FGGY: variants seen among roughly 807,000 people sequenced by gnomAD.
The protein encoded by FGGY is FGGY carbohydrate kinase domain containing.
Under a neutral mutation model 71.3 loss-of-function variants are expected in FGGY, and 72 were observed. The ratio of observed to expected loss-of-function variants is 1.01; its 90% confidence interval spans 0.84 to 1.23. FGGY has a LOEUF of 1.23. Ranked by LOEUF, FGGY falls within the 50% of genes most tolerant of loss-of-function variation. FGGY has a pLI of 0.00. For synonymous variants in FGGY, 251 were observed against 250.3 expected (o/e 1.00, Z -0.02); for missense variants, 668 against 682.3 (o/e 0.98, Z 0.23).
rs184100722 is a variant in FGGY at position 59,588,128 on chromosome 1, C to T, written c.904-19675C>T. 2.6e-4 allele frequency among the ~76,000 whole-genome samples: 40 copies of T among 152,140 alleles called. No individual in the cohort carries two copies. In the East Asian group the frequency reaches 6.0e-3, roughly 23 times the overall value. Reference sequence around the variant, plus strand: ...GCTGATGGAGCTGAAAGCCAAGGCTCGAGAACTACGTGAAGAATGCAGAAG... The same window carrying T: ...GCTGATGGAGCTGAAAGCCAAGGCTTGAGAACTACGTGAAGAATGCAGAAG... On this transcript the variant is annotated intron_variant, in intron 8 of 15. Transcript: ENST00000303721.
chr1:59,469,551 T>G (rs892048743), intron 6 of FGGY, among the ~76,000 whole-genome samples: 5 of 152,210 alleles, frequency 3.3e-5, no homozygotes, highest in African/African-American at 1.2e-4. Flanking sequence ...GCAATGAAAT[T>G]TTAACATGAC....
At position 59,655,606 on chromosome 1, in the gene FGGY, C is replaced by A. The variant is rs191295913; in HGVS notation, c.1222-4613C>A. ...CATGTCCCTGCAAAGGACATGATCT[C>A]ATTCTTTTTTTATGGCTGTGTAGTA... On this transcript the variant is annotated intron_variant, in intron 11 of 15. Coordinates refer to ENST00000303721, the MANE Select transcript of FGGY (RefSeq NM_018291.5). Among the ~76,000 whole-genome samples the A allele has an allele frequency of 1.2e-4, 19 of 152,284 alleles. No individual in the cohort carries two copies. In the East Asian group the frequency reaches 3.3e-3, roughly 26 times the overall value.
chr1:59,638,811 A>G (rs2096988931), intron 11 of FGGY, among the ~76,000 whole-genome samples: 1 of 152,228 alleles, frequency 6.6e-6, no homozygotes, highest in Non-Finnish European at 1.5e-5. Flanking sequence ...CTACACTAAT[A>G]TAGTTAGGAT....
rs144469375 is a variant in FGGY, at chr1:59,462,585, T to C, written c.670+5509T>C. ...CTGACAAGGGCTAATATCCAGAATC[T>C]ACAGTGAACTCAAGCAAATTTACAA... On this transcript the variant is annotated intron_variant, in intron 6 of 15. Coordinates refer to ENST00000303721, the MANE Select transcript of FGGY (RefSeq NM_018291.5). 3.7e-3 allele frequency among the ~76,000 whole-genome samples: 560 copies of C among 152,258 alleles called. 3 individuals are homozygous for C. Among genetic ancestry groups the C allele is most frequent in the African/African-American group, 0.012 (499 of 41,528 alleles).
intron 6 of FGGY, among the ~76,000 whole-genome samples, chr1:59,499,827 A>G (rs1390217589): frequency 1.3e-5 from 2 of 152,202 alleles, no homozygotes; most frequent in Non-Finnish European, 2.9e-5. Flanking sequence ...AGCTGCTATT[A>G]AAGTACAAGT....
chr1:59,687,048 G>A (rs2097549219), intron 14 of FGGY, among the ~76,000 whole-genome samples: 1 of 152,154 alleles, frequency 6.6e-6, no homozygotes. Context: ...AAGGTGGCTG[G>A]GCTGGTCCTT....
At chr1:59,341,789 G>A (rs899913607) in intron 3 of FGGY, among the ~76,000 whole-genome samples, 4 of 152,194 alleles carry the variant, frequency 2.6e-5, no homozygotes, top group Non-Finnish European at 5.9e-5. Context: ...AGACCTGGCC[G>A]TTTTGGGAGG....
intron 4 of FGGY, among the ~76,000 whole-genome samples, chr1:59,371,805 A>G (rs1384651718): frequency 6.6e-6 from 1 of 152,198 alleles, no homozygotes; most frequent in Non-Finnish European, 1.5e-5. Context: ...CTCCTGAATG[A>G]CTACTGGGTA....
chr1:59,719,036 T>G (rs1381250367), intron 14 of FGGY, among the ~76,000 whole-genome samples: 1 of 152,142 alleles, frequency 6.6e-6, no homozygotes, highest in East Asian at 1.9e-4. Context: ...ACACCCAGGA[T>G]CCACCCTGCC....
At chr1:59,733,073 A>G (rs953559800) in intron 14 of FGGY, among the ~76,000 whole-genome samples, 1 of 151,678 alleles carries the variant, frequency 6.6e-6, no homozygotes, top group Admixed American at 6.6e-5. Context: ...AGGCCTCTCC[A>G]TCTCCCTTCC....
intron 11 of FGGY, among the ~76,000 whole-genome samples, chr1:59,653,109 T>G (rs913782421): frequency 6.6e-6 from 1 of 152,136 alleles, no homozygotes; most frequent in Non-Finnish European, 1.5e-5. Flanking sequence ...AGTCTGCGGG[T>G]TCTCAGATCT....
At chr1:59,617,541 A>G (rs559763653) in intron 9 of FGGY, among the ~76,000 whole-genome samples, 1 of 152,208 alleles carries the variant, frequency 6.6e-6, no homozygotes, top group East Asian at 1.9e-4. Flanking sequence ...TTCATCACAC[A>G]TCAAGGCCTG....
At chr1:59,385,435 ACT>A (rs1283681493) in intron 5 of FGGY, among the ~76,000 whole-genome samples, 3 of 152,084 alleles carry the variant, frequency 2.0e-5, no homozygotes, top group Non-Finnish European at 2.9e-5. Context: ...GCAAATGTTA[ACT>A]CTGTTAGTCC....
intron 6 of FGGY, among the ~76,000 whole-genome samples, chr1:59,473,894 T>C (rs2093126338): frequency 6.6e-6 from 1 of 152,206 alleles, no homozygotes; most frequent in Non-Finnish European, 1.5e-5. Flanking sequence ...TCTTTTCTTT[T>C]CTAAAGTCAC....
intron 11 of FGGY, among the ~76,000 whole-genome samples, chr1:59,642,642 AAAG>A (rs1477384922): frequency 1.3e-5 from 2 of 151,614 alleles, no homozygotes; most frequent in Admixed American, 6.6e-5. Flanking sequence ...AAAAAAAAAA[AAAG>A]AGCAAATCAT....
chr1:59,633,238 C>T (rs1384549557), intron 10 of FGGY, among the ~76,000 whole-genome samples: 1 of 152,124 alleles, frequency 6.6e-6, no homozygotes, highest in African/African-American at 2.4e-5. Flanking sequence ...TCTCGATCTC[C>T]TGACCTCGTG....
At chr1:59,339,210 A>G (rs1272599103) in intron 2 of FGGY, among the ~76,000 whole-genome samples, 1 of 152,194 alleles carries the variant, frequency 6.6e-6, no homozygotes, top group Non-Finnish European at 1.5e-5. Flanking sequence ...TATGTTATAT[A>G]CAAATATTCC....
chr1:59,357,551 C>T (rs1232254118), intron 4 of FGGY, among the ~76,000 whole-genome samples: 1 of 152,072 alleles, frequency 6.6e-6, no homozygotes, highest in Non-Finnish European at 1.5e-5. Flanking sequence ...CAAATGAAGT[C>T]CCTTGGATCT....
chr1:59,605,110 A>T (rs1005067865), intron 8 of FGGY, among the ~76,000 whole-genome samples: 1 of 152,104 alleles, frequency 6.6e-6, no homozygotes, highest in African/African-American at 2.4e-5. Context: ...GCATGTTTTA[A>T]ATCTTAATTC....
Sources: allele counts gnomAD v4.1 joint callset (sites outside exome capture counted in the v4.1 genomes callset), GRCh38; gene constraint gnomAD v4.1.1; transcripts MANE v1.5; gene names NCBI Gene and HGNC (gene_info 2026-07-23, HGNC 2026-07-21).